AP3M1: variants seen among roughly 807,000 people sequenced by gnomAD.
The protein encoded by AP3M1 is adaptor related protein complex 3 subunit mu 1, also known as AP-3 complex subunit mu-1.
AP3M1 carries 29 observed loss-of-function variants against 42.6 expected under a neutral mutation model. The ratio of observed to expected loss-of-function variants is 0.68; its 90% CI spans 0.51 to 0.93. The LOEUF (loss-of-function observed/expected upper bound fraction) is 0.93, where lower values mean the gene tolerates loss of function less well. AP3M1 is among the 40% of genes least tolerant of loss of function. The probability of loss-of-function intolerance (pLI) is 0.00; values close to 1 mark genes in which losing one functional copy is unlikely to be tolerated. For synonymous variants in AP3M1, 178 were observed against 175.3 expected, an observed-to-expected ratio of 1.02 and a Z score of -0.12; for missense variants, 416 against 510.2, an observed-to-expected ratio of 0.82 and a Z score of 1.78.
chr10:74,134,142 T>C lies in AP3M1; in HGVS notation c.468A>G (p.Thr156=). The part of the protein sequence containing the change: ...SITGSSNVGD[T]LPTGQLSNIP... ...TGTTGGACAGCTGCCCGGTGGGGAG[T>C]GTGTCCCCAACATTACTACTGCCTA... Residue 156 remains threonine, a synonymous_variant, in exon 4 of 9, where the codon ACA becomes ACG. Transcript: ENST00000355264. 1 of 1,613,758 alleles carries C rather than the reference T, an allele frequency of 6.2e-7. No individual in the cohort carries two copies. Among genetic ancestry groups the C allele is most frequent in the Non-Finnish European group, 8.5e-7 (1 of 1,179,880 alleles).
chr10:74,138,700 G>C (rs1478888806), intron 1 of AP3M1: 1 of 194,950 alleles, frequency 5.1e-6, no homozygotes, highest in Non-Finnish European at 1.0e-5. Flanking sequence ...GGAGGCTGAG[G>C]TGGGCGGATT....
At chr10:74,132,721 AAAAG>A (rs972138157) in intron 4 of AP3M1, among the ~76,000 whole-genome samples, 4 of 152,004 alleles carry the variant, frequency 2.6e-5, no homozygotes, top group African/African-American at 4.8e-5. Context: ...TTAAAAAAAA[AAAAG>A]AAAGTGAAAA....
At position 74,136,615 on chromosome 10, in the gene AP3M1, G is replaced by C. The variant is rs370531144; in HGVS notation, c.445+17C>G. On this transcript the variant is annotated intron_variant, in intron 3 of 8. Coordinates refer to ENST00000355264, the MANE Select transcript of AP3M1 (RefSeq NM_012095.6). The stretch of plus-strand genomic sequence containing the variant: ...TTTTAATTGCTCAGTTACTAGCACA[G>C]TATGTTTTCATCTTACCTGTAATAG... The C allele has an allele frequency of 4.0e-6, 6 of 1,513,118 alleles. No homozygotes were observed. Among genetic ancestry groups the C allele is most frequent in the Non-Finnish European group, 4.5e-6 (5 of 1,114,248 alleles). 93.7% of individuals were successfully genotyped at this position (1,513,118 alleles called of 1,614,324 possible). A position where few individuals can be genotyped will look rare whatever the true frequency, so the allele number is the denominator to read the frequency against.
rs368559765 is a variant in AP3M1 at position 74,139,902 on chromosome 10, A to G, written c.-3-1520T>C. Reference sequence around the variant, plus strand: ...GTACTCCAGCCTGGGTGACAGATTGAGACTCCATCTCAAAAAAAAAAAAAA... The same window carrying G: ...GTACTCCAGCCTGGGTGACAGATTGGGACTCCATCTCAAAAAAAAAAAAAA... On this transcript the variant is annotated intron_variant, in intron 1 of 8. Transcript: ENST00000355264. Among the ~76,000 whole-genome samples the G allele has an allele frequency of 3.8e-4, 51 of 133,892 alleles. 2 individuals carry two copies. Among genetic ancestry groups the G allele is most frequent in the African/African-American group, 1.4e-3 (50 of 36,022 alleles). 87.8% of individuals were successfully genotyped at this position (133,892 alleles called of 152,430 possible). A position where few individuals can be genotyped will look rare whatever the true frequency, so the allele number is the denominator to read the frequency against.
At chr10:74,131,400 C>T (rs187918035) in intron 4 of AP3M1, among the ~76,000 whole-genome samples, 137 of 152,198 alleles carry the variant, frequency 9.0e-4, no homozygotes, top group African/African-American at 3.2e-3. Flanking sequence ...ATCTCCTAAC[C>T]TCGTGATCCA....
Position 74,120,324 on chromosome 10 carries a change from A to G in AP3M1, c.*3486T>C, listed in dbSNP as rs1840397108. 6.6e-6 allele frequency: 1 copy of G among 152,260 alleles called. No homozygotes were observed. 9.4% of individuals were successfully genotyped at this position (152,260 alleles called of 1,614,324 possible). The stretch of plus-strand genomic sequence containing the variant: ...AGAAGAAATCAACAGTGGTATATTT[A>G]CTTAACAAGGATGTGTGTAATACAA... On this transcript the variant is annotated 3_prime_UTR_variant, in exon 9 of 9. Transcript: ENST00000355264.
At position 74,139,579 on chromosome 10, in the gene AP3M1, C is replaced by G. The variant is rs534449122; in HGVS notation, c.-3-1197G>C. Among the ~76,000 whole-genome samples the G allele has an allele frequency of 3.1e-4, 46 of 147,526 alleles. 1 individual carries two copies. The highest frequency in any genetic ancestry group is 4.2e-4 in the Non-Finnish European group (28 of 67,090). ...GGTGGATCACCTGAGGTCGGGAGTTCAAGACCAGCCTGGCCAACGTGCAGA... is the reference window on the plus strand; with the variant it reads ...GGTGGATCACCTGAGGTCGGGAGTTGAAGACCAGCCTGGCCAACGTGCAGA... On this transcript the variant is annotated intron_variant, in intron 1 of 8. Coordinates refer to ENST00000355264, the MANE Select transcript of AP3M1 (RefSeq NM_012095.6).
rs1219508640 is a variant in AP3M1, at chr10:74,122,392, C to T, written c.*1418G>A. 1 of 152,008 alleles carries T rather than the reference C, an allele frequency of 6.6e-6. No homozygotes were observed. Among genetic ancestry groups the T allele is most frequent in the Admixed American group, 6.6e-5 (1 of 15,250 alleles). 9.4% of individuals were successfully genotyped at this position (152,008 alleles called of 1,614,324 possible). ...GCCACAAAGAGAATAGCATAAATAACAAGAAGGAAACATGAAGAACAAGCA... is the reference window on the plus strand; with the variant it reads ...GCCACAAAGAGAATAGCATAAATAATAAGAAGGAAACATGAAGAACAAGCA... On this transcript the variant is annotated 3_prime_UTR_variant, in exon 9 of 9. Transcript: ENST00000355264.
intron 1 of AP3M1, among the ~76,000 whole-genome samples, chr10:74,145,502 CAATT>C (rs747398386): frequency 2.0e-5 from 3 of 152,202 alleles, no homozygotes; most frequent in Non-Finnish European, 2.9e-5. Context: ...ATGCATATAA[CAATT>C]AAATAATACC....
intron 1 of AP3M1, among the ~76,000 whole-genome samples, chr10:74,148,330 A>T (rs982937054): frequency 2.0e-5 from 3 of 152,160 alleles, no homozygotes; most frequent in Admixed American, 2.0e-4. Flanking sequence ...TCTAAGGAGA[A>T]GGAACACTTT....
chr10:74,144,680 T>G (rs1034595198), intron 1 of AP3M1, among the ~76,000 whole-genome samples: 7 of 151,870 alleles, frequency 4.6e-5, no homozygotes, highest in African/African-American at 1.7e-4. Flanking sequence ...TTTTTTTTTT[T>G]GAGACGGAGT....
Position 74,124,501 on chromosome 10 carries a change from T to G in AP3M1, c.1035A>C (p.Lys345Asn). 6.2e-7 allele frequency: 1 copy of G among 1,609,384 alleles called. No homozygotes were observed. Among genetic ancestry groups the G allele is most frequent in the Non-Finnish European group, 8.5e-7 (1 of 1,178,652 alleles). Residue 345 changes from lysine to asparagine, a missense_variant, in exon 8 of 9, where the codon AAA becomes AAC. Lys to Asn is a moderately conservative substitution (Grantham distance 94, BLOSUM62 0). Coordinates refer to ENST00000355264, the MANE Select transcript of AP3M1 (RefSeq NM_012095.6). ...GACTTGGGAGCTTTTGTGGAGTAAT[T>G]TTTCCCACATCCCATGTTAGTACCT... ...VTKVLTWDVG[K>N]ITPQKLPSLK...
chr10:74,134,651 C>T (rs538632349), intron 3 of AP3M1, among the ~76,000 whole-genome samples: 9 of 152,332 alleles, frequency 5.9e-5, no homozygotes, highest in East Asian at 1.9e-4. Context: ...CATACCCATA[C>T]GGCTGCAATA....
chr10:74,130,039 T>A (rs1591743891), intron 4 of AP3M1, 47 bp from the exon 5 acceptor site: 1 of 1,149,386 alleles, frequency 8.7e-7, no homozygotes, highest in Non-Finnish European at 1.3e-6. Flanking sequence ...GGAATATGAG[T>A]CTTCACTAGA....
intron 4 of AP3M1, 90 bp from the exon 5 acceptor site, chr10:74,130,082 G>A: frequency 1.1e-6 from 1 of 946,754 alleles, no homozygotes; most frequent in South Asian, 1.4e-5. Flanking sequence ...TTTATTTATT[G>A]TTTTTAGAGA....
Position 74,134,097 on chromosome 10 carries a change from C to A in AP3M1, c.513G>T (p.Gly171=), listed in dbSNP as rs140657150. The change falls in exon 4 of 9, where the codon GGG becomes GGT. Residue 171 remains glycine, a synonymous_variant. Transcript: ENST00000355264. The part of the protein sequence containing the change: ...QLSNIPWRRA[G]VKYTNNEAYF... ...AGGCTTCATTGTTTGTGTACTTTAC[C>A]CCTGCCCGACGCCATGGTATGTTGG... 8 of 1,613,912 alleles carry A rather than the reference C, an allele frequency of 5.0e-6. No homozygotes were observed. Among genetic ancestry groups the A allele is most frequent in the Non-Finnish European group, 5.9e-6 (7 of 1,180,016 alleles).
rs2270549 is a variant in AP3M1 at position 74,126,121 on chromosome 10, C to G, written c.1011+27G>C. On this transcript the variant is annotated intron_variant, in intron 7 of 8. Coordinates refer to ENST00000355264, the MANE Select transcript of AP3M1 (RefSeq NM_012095.6). The stretch of plus-strand genomic sequence containing the variant: ...ACAAAATAGATTGCAGAAACACTTG[C>G]TCACTCTTGATTTGAAGTGGCTGTA... The G allele has an allele frequency of 3.1e-6, 5 of 1,609,956 alleles. No individual in the cohort carries two copies. In the East Asian group the frequency reaches 1.1e-4, roughly 36 times the overall value.
intron 5 of AP3M1, 151 bp from the exon 6 acceptor site, chr10:74,129,392 T>A: frequency 1.5e-6 from 1 of 674,198 alleles, no homozygotes; most frequent in Non-Finnish European, 2.4e-6. Context: ...CATAATGCTT[T>A]AAAGTTTGTA....
Position 74,134,046 on chromosome 10 carries a change from G to T in AP3M1, c.564C>A (p.Asp188Glu). ...EAYFDVVEEI[D>E]AIIDKSGSTV... is the part of the protein sequence containing the mutation. ...AATTACCTGATTTATCTATAATTGC[G>T]TCTATTTCTTCAACAACATCAAAAT... The change falls in exon 4 of 9, where the codon GAC (aspartate) becomes GAA (glutamate). Residue 188 changes from aspartate (D) to glutamate (E), a missense_variant. Transcript: ENST00000355264. The T allele has an allele frequency of 6.2e-7, 1 of 1,613,952 alleles. No individual in the cohort carries two copies.
Sources: gnomAD v4.1 joint callset for allele counts (sites outside exome capture counted in the v4.1 genomes callset) on GRCh38, gnomAD v4.1.1 for gene constraint, MANE v1.5 for transcripts, NCBI Gene and HGNC (gene_info 2026-07-23, HGNC 2026-07-21) for gene names.